Variants in CCDC102B observed in about 807,000 individuals in gnomAD.
CCDC102B encodes coiled-coil domain-containing protein 102B.
Under a neutral mutation model 57.4 loss-of-function variants are expected in CCDC102B, and 75 were observed. That is an observed-to-expected ratio of 1.31 (90% confidence interval 1.08 to 1.58). CCDC102B has a LOEUF of 1.58. Ranked by LOEUF, CCDC102B falls within the 40% of genes most tolerant of loss-of-function variation. The probability of loss-of-function intolerance (pLI) is 0.00; values close to 1 mark genes in which losing one functional copy is unlikely to be tolerated. For missense variants in CCDC102B, 636 were observed against 582.6 expected, an observed-to-expected ratio of 1.09 and a Z score of -0.94; for synonymous variants, 206 against 201.9, an observed-to-expected ratio of 1.02 and a Z score of -0.17.
chr18:68,854,091 G>GTTTT (rs10604645), intron 4 of CCDC102B, among the ~76,000 whole-genome samples: 1 of 148,942 alleles, frequency 6.7e-6, no homozygotes, highest in Non-Finnish European at 1.5e-5. Context: ...ACTTTTTCTT[G>GTTTT]TTTTTTTTTT....
chr18:68,998,321 G>A (rs538998757), intron 6 of CCDC102B, among the ~76,000 whole-genome samples: 78 of 34,416 alleles, frequency 2.3e-3, no homozygotes, highest in Non-Finnish European at 0.015. Context: ...ATACACATGT[G>A]TCTCTATATA....
At chr18:68,732,053 C>G (rs1488611339) in intron 2 of CCDC102B, among the ~76,000 whole-genome samples, 3 of 74,384 alleles carry the variant, frequency 4.0e-5, no homozygotes, top group South Asian at 5.5e-4. Context: ...GTACTCTACT[C>G]TGAGGAACTT....
intron 2 of CCDC102B, among the ~76,000 whole-genome samples, chr18:68,737,095 A>C (rs1469209416): frequency 6.6e-6 from 1 of 151,964 alleles, no homozygotes; most frequent in Non-Finnish European, 1.5e-5. Context: ...TGGGAGGAGT[A>C]GTCTCAAAGG....
chr18:68,809,220 A>C (rs1291744279), intron 1 of CCDC102B, among the ~76,000 whole-genome samples: 1 of 152,196 alleles, frequency 6.6e-6, no homozygotes, highest in Non-Finnish European at 1.5e-5. Context: ...GGGTGGGTGA[A>C]AGCAGCTGGC....
chr18:68,780,135 CTTCTT>C (rs1332503693), intron 2 of CCDC102B, among the ~76,000 whole-genome samples: 2 of 152,030 alleles, frequency 1.3e-5, no homozygotes, highest in African/African-American at 2.4e-5. Flanking sequence ...TTTTCACTGA[CTTCTT>C]TTACTTATCA....
intron 7 of CCDC102B, among the ~76,000 whole-genome samples, chr18:69,038,885 GCATATC>G (rs1316013917): frequency 6.6e-6 from 1 of 151,916 alleles, no homozygotes; most frequent in Non-Finnish European, 1.5e-5. Flanking sequence ...TTTCATAAAT[GCATATC>G]CATAAATCTT....
intron 6 of CCDC102B, among the ~76,000 whole-genome samples, chr18:68,934,260 A>C (rs1211243571): frequency 6.6e-6 from 1 of 151,940 alleles, no homozygotes; most frequent in East Asian, 1.9e-4. Flanking sequence ...ATGAAGATTC[A>C]TCTTGGGGAG....
chr18:68,840,290 T>A (rs2037572863), intron 3 of CCDC102B, among the ~76,000 whole-genome samples: 1 of 152,132 alleles, frequency 6.6e-6, no homozygotes, highest in South Asian at 2.1e-4. Context: ...CAGTTTTAAT[T>A]TTCCTGGCTT....
Position 68,882,293 on chromosome 18 carries a change from C to T in CCDC102B, c.1053+7508C>T, listed in dbSNP as rs9951095. On this transcript the variant is annotated intron_variant, in intron 5 of 7. Coordinates refer to ENST00000360242, the MANE Select transcript of CCDC102B (RefSeq NM_024781.3). ...TGTGTCAGAACATCCAACCTCTTTT[C>T]TTACAATGACTTTAGCAACATGTTC... 4.5e-3 allele frequency among the ~76,000 whole-genome samples: 687 copies of T among 152,294 alleles called. 3 individuals are homozygous for T. The highest frequency in any genetic ancestry group is 0.016 in the African/African-American group (660 of 41,568).
chr18:68,839,536 G>A (rs1392193600), intron 3 of CCDC102B, among the ~76,000 whole-genome samples: 2 of 152,104 alleles, frequency 1.3e-5, no homozygotes, highest in Non-Finnish European at 2.9e-5. Context: ...CATATCAACA[G>A]CAACCACCCT....
intron 2 of CCDC102B, among the ~76,000 whole-genome samples, chr18:68,785,277 A>G (rs2035161313): frequency 6.6e-6 from 1 of 152,122 alleles, no homozygotes; most frequent in Admixed American, 6.5e-5. Context: ...GAATAATGTC[A>G]CAATAAACAT....
chr18:68,996,680 T>C (rs185099286), intron 6 of CCDC102B, among the ~76,000 whole-genome samples: 1 of 152,202 alleles, frequency 6.6e-6, no homozygotes, highest in Non-Finnish European at 1.5e-5. Flanking sequence ...CCCCATTGTA[T>C]CTAGGAAGTT....
intron 5 of CCDC102B, among the ~76,000 whole-genome samples, chr18:68,879,070 G>A (rs111558746): frequency 0.039 from 5,892 of 152,064 alleles, 191 homozygotes; most frequent in African/African-American, 0.08. Flanking sequence ...CGCGGTGAGT[G>A]TTACAGCTCT....
chr18:68,965,748 G>A (rs2050152130), intron 6 of CCDC102B, among the ~76,000 whole-genome samples: 1 of 151,870 alleles, frequency 6.6e-6, no homozygotes, highest in Non-Finnish European at 1.5e-5. Context: ...AATTTTCTGG[G>A]TTCTTGGTGT....
intron 6 of CCDC102B, among the ~76,000 whole-genome samples, chr18:68,927,387 T>C (rs185521231): frequency 1.3e-5 from 2 of 152,082 alleles, no homozygotes; most frequent in African/African-American, 2.4e-5. Flanking sequence ...ATCTGGTAGA[T>C]AGAGGATACC....
intron 2 of CCDC102B, chr18:68,753,354 T>G (rs1428632543): frequency 6.6e-6 from 1 of 152,136 alleles, no homozygotes; most frequent in Non-Finnish European, 1.5e-5. Flanking sequence ...TGGATCTTCA[T>G]TTTCTTCTGA....
chr18:68,874,238 GC>G, intron 4 of CCDC102B, among the ~76,000 whole-genome samples: 1 of 149,360 alleles, frequency 6.7e-6, no homozygotes, highest in Middle Eastern at 3.5e-3. Context: ...TATTTCCATT[GC>G]CCAAGTTTGT....
At chr18:68,905,521 T>G (rs1001027297) in intron 6 of CCDC102B, among the ~76,000 whole-genome samples, 1 of 151,500 alleles carries the variant, frequency 6.6e-6, no homozygotes, top group African/African-American at 2.4e-5. Context: ...TTTCATAACA[T>G]AAAATTAACC....
chr18:68,995,337 A>C (rs2050994454), intron 6 of CCDC102B, among the ~76,000 whole-genome samples: 1 of 152,176 alleles, frequency 6.6e-6, no homozygotes. Context: ...GTTAATTGCC[A>C]AAACAATGGG....
Sources: allele counts gnomAD v4.1 joint callset (sites outside exome capture counted in the v4.1 genomes callset), GRCh38; gene constraint gnomAD v4.1.1; transcripts MANE v1.5; gene names NCBI Gene and HGNC (gene_info 2026-07-23, HGNC 2026-07-21).